PCDH10: variants seen among roughly 807,000 people sequenced by gnomAD.
The protein encoded by PCDH10 is protocadherin 10.
A neutral mutation model predicts 74.4 loss-of-function variants in PCDH10; 15 were observed. The ratio of observed to expected loss-of-function variants is 0.20; its 90% confidence interval spans 0.13 to 0.31. The LOEUF is 0.31. Among genes scored for constraint, PCDH10 ranks in the 10% least tolerant of loss-of-function variants. PCDH10 has a pLI of 1.00. For missense variants in PCDH10, 1,260 were observed against 1,390.2 expected (o/e 0.91, Z 1.49); for synonymous variants, 619 against 589.8 (o/e 1.05, Z -0.72).
chr4:133,207,448 T>A (rs982067727), intron 2 of PCDH10, among the ~76,000 whole-genome samples: 9 of 152,274 alleles, frequency 5.9e-5, no homozygotes, highest in Middle Eastern at 3.4e-3. Flanking sequence ...AATGAGCTGA[T>A]AATTAAGAGC....
Position 133,150,502 on chromosome 4 carries a change from C to G in PCDH10, c.362C>G (p.Ser121Cys). The change falls in exon 1 of 5, where the codon TCT becomes TGT. Residue 121 changes from serine (S) to cysteine (C), a missense_variant. Physicochemically the swap from Ser to Cys is moderately radical, Grantham distance 112. Coordinates refer to ENST00000264360, the MANE Select transcript of PCDH10 (RefSeq NM_032961.3). ...CTGGACATTAATGACAACCCCCCCT[C>G]TTTCCCGGAGCCAGACCTGACGGTG... The part of the protein sequence containing the change: ...EVLDINDNPP[S>C]FPEPDLTVEI... The G allele has an allele frequency of 6.2e-7, 1 of 1,613,670 alleles. No homozygotes were observed. The highest frequency in any genetic ancestry group is 1.1e-5 in the South Asian group (1 of 91,048).
At chr4:133,197,892 T>C (rs1727825341), downstream of PCDH10, among the ~76,000 whole-genome samples, 2 of 152,046 alleles carry the variant, frequency 1.3e-5, no homozygotes, top group Admixed American at 6.6e-5. Flanking sequence ...ATTCTCTTAT[T>C]CTCAGTTGTG....
intron 1 of PCDH10, chr4:133,153,094 A>G: frequency 7.5e-7 from 1 of 1,333,388 alleles, no homozygotes; most frequent in Non-Finnish European, 9.6e-7. Flanking sequence ...GCGTGAAGGG[A>G]GAGGGAAATG....
chr4:133,167,274 A>C (rs909954331), intron 4 of PCDH10, among the ~76,000 whole-genome samples: 3 of 151,588 alleles, frequency 2.0e-5, no homozygotes, highest in Non-Finnish European at 4.4e-5. Flanking sequence ...TAGTTGATTG[A>C]AATTGTAGAA....
At chr4:133,162,103 C>T (rs908637819) in intron 3 of PCDH10, among the ~76,000 whole-genome samples, 1 of 152,014 alleles carries the variant, frequency 6.6e-6, no homozygotes, top group Non-Finnish European at 1.5e-5. Context: ...TTGAACTTGT[C>T]CTTTGAAATC....
Position 133,154,303 on chromosome 4 carries a change from C to A in PCDH10, c.2632-4C>A. Reference sequence around the variant, plus strand: ...TGCTCTTGATTTATTTATTTTTTTCCTAGACTAAACACCAGCGAGCAGAGC... The same window carrying A: ...TGCTCTTGATTTATTTATTTTTTTCATAGACTAAACACCAGCGAGCAGAGC... On this transcript the variant is annotated splice_polypyrimidine_tract_variant and splice_region_variant and intron_variant, in intron 1 of 4. Coordinates refer to ENST00000264360, the MANE Select transcript of PCDH10 (RefSeq NM_032961.3). 6.2e-7 allele frequency: 1 copy of A among 1,601,936 alleles called. No homozygotes were observed. The highest frequency in any genetic ancestry group is 8.5e-7 in the Non-Finnish European group (1 of 1,172,172).
downstream of PCDH10, chr4:133,194,733 A>G (rs889598908): frequency 6.6e-6 from 1 of 151,982 alleles, no homozygotes. Flanking sequence ...TAGTCTTAAT[A>G]TAACAGGTCT....
chr4:133,203,106 C>T (rs1727936692), intron 2 of PCDH10, among the ~76,000 whole-genome samples: 1 of 152,012 alleles, frequency 6.6e-6, no homozygotes, highest in South Asian at 2.1e-4. Context: ...TATGAGAGTT[C>T]TGTATTTCCA....
At chr4:133,186,154 T>C (rs998997699) in intron 4 of PCDH10, among the ~76,000 whole-genome samples, 1 of 152,136 alleles carries the variant, frequency 6.6e-6, no homozygotes, top group Non-Finnish European at 1.5e-5. Flanking sequence ...CATGGAACTT[T>C]TATTAAAAAT....
intron 4 of PCDH10, among the ~76,000 whole-genome samples, chr4:133,168,481 A>T (rs991861274): frequency 2.6e-5 from 4 of 151,578 alleles, no homozygotes; most frequent in Admixed American, 1.3e-4. Context: ...AATATTTAAA[A>T]GTGCCATTTT....
chr4:133,190,115 A>G, intron 4 of PCDH10, 26 bp from the exon 5 acceptor site: 1 of 1,592,894 alleles, frequency 6.3e-7, no homozygotes, highest in South Asian at 1.1e-5. Context: ...TCTTTTTCTT[A>G]GAGTATTTTT....
chr4:133,178,927 CTT>C (rs1389692688), intron 4 of PCDH10, among the ~76,000 whole-genome samples: 1 of 152,074 alleles, frequency 6.6e-6, no homozygotes, highest in African/African-American at 2.4e-5. Flanking sequence ...TTCCTGTACT[CTT>C]TTATAGGTTT....
intron 4 of PCDH10, among the ~76,000 whole-genome samples, chr4:133,168,682 C>T (rs1170971382): frequency 6.6e-6 from 1 of 151,426 alleles, no homozygotes; most frequent in Non-Finnish European, 1.5e-5. Flanking sequence ...ACAATTACTC[C>T]CTTGGCATAT....
At chr4:133,165,950 C>G (rs1388083366) in intron 4 of PCDH10, among the ~76,000 whole-genome samples, 1 of 151,642 alleles carries the variant, frequency 6.6e-6, no homozygotes, top group African/African-American at 2.4e-5. Flanking sequence ...AATATGCTTA[C>G]ACTTACATTT....
chr4:133,189,107 G>A (rs1727602926), intron 4 of PCDH10, among the ~76,000 whole-genome samples: 1 of 152,024 alleles, frequency 6.6e-6, no homozygotes, highest in Non-Finnish European at 1.5e-5. Flanking sequence ...GAAATGAGTT[G>A]AAATACCAGA....
Position 133,154,339 on chromosome 4 carries a change from A to T in PCDH10, c.2664A>T (p.Leu888=), listed in dbSNP as rs1425356772. Residue 888 remains leucine, a synonymous_variant, in exon 2 of 5, where the codon CTA becomes CTT. Coordinates refer to ENST00000264360, the MANE Select transcript of PCDH10 (RefSeq NM_032961.3). The part of the protein sequence containing the change: ...TKHQRAELSY[L]VDRPRRVNSS... ...ACCAGCGAGCAGAGCTCAGCTATCT[A>T]GTTGACAGACCTCGCCGAGTTAACA... 2 of 1,607,384 alleles carry T rather than the reference A, an allele frequency of 1.2e-6. No homozygotes were observed. The highest frequency in any genetic ancestry group is 1.3e-5 in the African/African-American group (1 of 74,534).
chr4:133,163,577 A>G (rs994784642), intron 4 of PCDH10, among the ~76,000 whole-genome samples: 15 of 152,140 alleles, frequency 9.9e-5, no homozygotes, highest in Non-Finnish European at 1.5e-4. Context: ...TCCATAATAT[A>G]TTTCCTTTGA....
At position 133,151,085 on chromosome 4, in the gene PCDH10, G is replaced by C. The variant is rs143860002; in HGVS notation, c.945G>C (p.Glu315Asp). The C allele has an allele frequency of 3.1e-6, 5 of 1,614,102 alleles. No homozygotes were observed. The highest frequency in any genetic ancestry group is 4.2e-6 in the Non-Finnish European group (5 of 1,180,034). Residue 315 changes from glutamate to aspartate, a missense_variant, in exon 1 of 5, where the codon GAG becomes GAC. Physicochemically the swap from Glu to Asp is conservative, Grantham distance 45. Coordinates refer to ENST00000264360, the MANE Select transcript of PCDH10 (RefSeq NM_032961.3). Reference sequence around the variant, plus strand: ...CTGGCAGACTGGAGGTAAGCGGCGAGTTGGACTATGAAGAGAGCCCAGTGT... The same window carrying C: ...CTGGCAGACTGGAGGTAAGCGGCGACTTGGACTATGAAGAGAGCCCAGTGT... The part of the protein sequence containing the change: ...PRTGRLEVSG[E>D]LDYEESPVYQ...
At position 133,150,019 on chromosome 4, in the gene PCDH10, A is replaced by C; in HGVS notation, c.-122A>C. The C allele has an allele frequency of 2.2e-6, 3 of 1,353,006 alleles. No homozygotes were observed. Among genetic ancestry groups the C allele is most frequent in the Non-Finnish European group, 2.9e-6 (3 of 1,025,448 alleles). 83.8% of individuals were successfully genotyped at this position (1,353,006 alleles called of 1,614,324 possible). ...AAGATTTTTAAAGACAGAAAGCCAC[A>C]GGAGCCCCCACGTAGCGCACTTTTA... On this transcript the variant is annotated 5_prime_UTR_variant, in exon 1 of 5. Coordinates refer to ENST00000264360, the MANE Select transcript of PCDH10 (RefSeq NM_032961.3).
Sources: allele counts gnomAD v4.1 joint callset (sites outside exome capture counted in the v4.1 genomes callset), GRCh38; gene constraint gnomAD v4.1.1; transcripts MANE v1.5; gene names NCBI Gene and HGNC (gene_info 2026-07-23, HGNC 2026-07-21).